GYPE: variants seen among roughly 807,000 people sequenced by gnomAD.
GYPE encodes glycophorin-E.
In GYPE, 8 loss-of-function variants were observed where a neutral mutation model predicts 11.6. That is an observed-to-expected ratio of 0.69 (90% CI 0.41 to 1.25). The LOEUF (loss-of-function observed/expected upper bound fraction) is 1.25. GYPE is among the 50% of genes most tolerant of loss of function. The probability of loss-of-function intolerance (pLI) is 0.01; values close to 1 mark genes in which losing one functional copy is unlikely to be tolerated. For synonymous variants in GYPE, 28 were observed against 29.6 expected, an observed-to-expected ratio of 0.94 and a Z score of 0.18; for missense variants, 90 against 92.8, an observed-to-expected ratio of 0.97 and a Z score of 0.12.
chr4:143,886,421 A>G (rs1171457644), intron 1 of GYPE, among the ~76,000 whole-genome samples: 6 of 125,658 alleles, frequency 4.8e-5, no homozygotes, highest in African/African-American at 1.7e-4. Context: ...TTTCCACAAT[A>G]TGATCCCTTA....
chr4:143,904,392 T>C (rs1744981853), intron 1 of GYPE, among the ~76,000 whole-genome samples: 2 of 152,196 alleles, frequency 1.3e-5, no homozygotes, highest in African/African-American at 2.4e-5. Flanking sequence ...CAACATTGCC[T>C]GCATTTTAAA....
intron 1 of GYPE, among the ~76,000 whole-genome samples, chr4:143,891,679 A>G (rs1005402547): frequency 1.8e-4 from 28 of 152,090 alleles, no homozygotes; most frequent in Non-Finnish European, 3.8e-4. Context: ...TGTAACTTGT[A>G]AGGTATACAA....
intron 1 of GYPE, among the ~76,000 whole-genome samples, chr4:143,890,734 G>T (rs1744371969): frequency 1.3e-5 from 2 of 152,260 alleles, no homozygotes; most frequent in African/African-American, 2.4e-5. Flanking sequence ...CTACAGTATG[G>T]GATATTAGCC....
intron 1 of GYPE, among the ~76,000 whole-genome samples, chr4:143,884,932 T>C (rs1744178126): frequency 6.8e-6 from 1 of 146,664 alleles, no homozygotes; most frequent in Admixed American, 7.0e-5. Context: ...GAATGAATGG[T>C]TTGAAGCAGT....
At chr4:143,880,875 G>C (rs1207677086) in intron 1 of GYPE, among the ~76,000 whole-genome samples, 2 of 152,058 alleles carry the variant, frequency 1.3e-5, no homozygotes, top group African/African-American at 4.8e-5. Context: ...TGTTAGTATA[G>C]TACTTGGCAC....
chr4:143,885,363 A>C (rs1023876134), intron 1 of GYPE, among the ~76,000 whole-genome samples: 7 of 152,310 alleles, frequency 4.6e-5, no homozygotes, highest in Admixed American at 3.3e-4. Flanking sequence ...TTATTTAGAT[A>C]AGTTTTGAGC....
In GYPE at chr4:143,892,553, T is replaced by G. The variant is rs894775366; in HGVS notation, c.38-12044A>C. Among the ~76,000 whole-genome samples the G allele has an allele frequency of 3.7e-3, 565 of 151,818 alleles. 3 individuals carry two copies. Among genetic ancestry groups the G allele is most frequent in the African/African-American group, 0.013 (541 of 41,454 alleles). On this transcript the variant is annotated intron_variant, in intron 1 of 3. Coordinates refer to ENST00000358615, the MANE Select transcript of GYPE (RefSeq NM_198682.3). ...TCAAAGAACATCTTTATTTCTGCCT[T>G]CATTTCGTTATGTACCCAGTAGTCA...
At chr4:143,880,989 C>A (rs1156711638) in intron 1 of GYPE, among the ~76,000 whole-genome samples, 3 of 151,976 alleles carry the variant, frequency 2.0e-5, no homozygotes, top group Non-Finnish European at 4.4e-5. Context: ...AAGGTGGAAG[C>A]GCATAATAAT....
intron 1 of GYPE, among the ~76,000 whole-genome samples, chr4:143,888,608 C>T (rs1214804376): frequency 2.7e-5 from 4 of 149,916 alleles, no homozygotes; most frequent in African/African-American, 9.8e-5. Context: ...CATTGACTTC[C>T]AACTCAATGC....
chr4:143,881,194 A>AAC (rs71590412), intron 1 of GYPE, among the ~76,000 whole-genome samples: 38,183 of 151,310 alleles, frequency 0.25, 5,025 homozygotes, highest in East Asian at 0.36. Context: ...CCGTCTCAAA[A>AAC]AAAAAAAAAA....
At chr4:143,873,886 C>T (rs1578949909) in intron 3 of GYPE, among the ~76,000 whole-genome samples, 2 of 151,956 alleles carry the variant, frequency 1.3e-5, no homozygotes, top group African/African-American at 2.4e-5. Context: ...TTGGATGCTT[C>T]CCACAGGACT....
chr4:143,878,548 T>C (rs1399285725), intron 2 of GYPE: 2 of 435,144 alleles, frequency 4.6e-6, no homozygotes, highest in Non-Finnish European at 9.2e-6. Flanking sequence ...TCTTCTGTTT[T>C]AAGATTGACA....
chr4:143,882,596 T>C (rs1210794354), intron 1 of GYPE, among the ~76,000 whole-genome samples: 2 of 152,182 alleles, frequency 1.3e-5, no homozygotes, highest in African/African-American at 4.8e-5. Context: ...AATGGGCATG[T>C]AACAATAAAC....
chr4:143,901,799 C>A (rs1034660384), intron 1 of GYPE, among the ~76,000 whole-genome samples: 7 of 151,586 alleles, frequency 4.6e-5, no homozygotes, highest in Non-Finnish European at 8.8e-5. Flanking sequence ...AAATTTATCA[C>A]AAGAATGTGA....
chr4:143,903,164 T>C (rs1434370903), intron 1 of GYPE, among the ~76,000 whole-genome samples: 3 of 152,080 alleles, frequency 2.0e-5, no homozygotes, highest in Non-Finnish European at 4.4e-5. Context: ...ATGTTTATCA[T>C]CTTACCTGGT....
rs1440712199 is a variant in GYPE at position 143,870,883 on chromosome 4, A to G, written c.*1379T>C. ...AGACTGTGTAATTTATAAAGGAAAG[A>G]GGTTTTATTGATCTACAGTTTTGCA... On this transcript the variant is annotated 3_prime_UTR_variant, in exon 4 of 4. Coordinates refer to ENST00000358615, the MANE Select transcript of GYPE (RefSeq NM_198682.3). 1 of 152,170 alleles carries G rather than the reference A, an allele frequency of 6.6e-6. No homozygotes were observed. Among genetic ancestry groups the G allele is most frequent in the African/African-American group, 2.4e-5 (1 of 41,412 alleles). 9.4% of individuals were successfully genotyped at this position (152,170 alleles called of 1,614,324 possible). A position where few individuals can be genotyped will look rare whatever the true frequency, so the allele number is the denominator to read the frequency against.
intron 1 of GYPE, among the ~76,000 whole-genome samples, chr4:143,884,780 T>A (rs1267067757): frequency 3.8e-5 from 1 of 26,410 alleles, no homozygotes; most frequent in African/African-American, 7.9e-5. Flanking sequence ...AAGTTATCTA[T>A]GTGGCTGCAG....
intron 2 of GYPE, among the ~76,000 whole-genome samples, chr4:143,879,799 C>T (rs1017614535): frequency 1.3e-5 from 2 of 152,170 alleles, no homozygotes; most frequent in African/African-American, 4.8e-5. Context: ...TCCCTCCCAG[C>T]AGCAGCTCCA....
intron 1 of GYPE, among the ~76,000 whole-genome samples, chr4:143,883,909 A>G (rs1235382123): frequency 6.6e-6 from 1 of 152,120 alleles, no homozygotes; most frequent in Non-Finnish European, 1.5e-5. Flanking sequence ...GAGTACAAAT[A>G]TACATATTCC....
Sources: gnomAD v4.1 joint callset for allele counts (sites outside exome capture counted in the v4.1 genomes callset) on GRCh38, gnomAD v4.1.1 for gene constraint, MANE v1.5 for transcripts, NCBI Gene and HGNC (gene_info 2026-07-23, HGNC 2026-07-21) for gene names.